HDDC2: variants seen among roughly 807,000 people sequenced by gnomAD.
HDDC2 encodes 5'-deoxynucleotidase HDDC2.
A neutral mutation model predicts 25.5 loss-of-function variants in HDDC2; 25 were observed. That is an observed-to-expected ratio of 0.98 (90% CI 0.72 to 1.37). The LOEUF is 1.37. HDDC2 is among the 40% of genes most tolerant of loss of function. The pLI is 0.00. For missense variants in HDDC2, 264 were observed against 253.1 expected (o/e 1.04, Z -0.29); for synonymous variants, 106 against 89.7 (o/e 1.18, Z -1.03).
chr6:125,301,486 A>ACACGCGCG (rs1554222395), intron 1 of HDDC2, among the ~76,000 whole-genome samples: 1 of 147,262 alleles, frequency 6.8e-6, no homozygotes, highest in East Asian at 2.0e-4. Flanking sequence ...TCGTGAGCAC[A>ACACGCGCG]CACACACACA....
chr6:125,276,286 CA>C, intron 5 of HDDC2, 43 bp from the exon 6 acceptor site: 1 of 1,417,974 alleles, frequency 7.1e-7, no homozygotes, highest in Non-Finnish European at 9.9e-7. Flanking sequence ...CCCATATTGA[CA>C]AGAGAGTATA....
At chr6:125,292,386 C>G (rs1001564783) in intron 4 of HDDC2, among the ~76,000 whole-genome samples, 11 of 152,100 alleles carry the variant, frequency 7.2e-5, no homozygotes, top group Admixed American at 2.6e-4. Context: ...TGTTCCATGC[C>G]AGGCATCTCT....
At chr6:125,298,534 T>A in intron 3 of HDDC2, 180 bp downstream of exon 3, 1 of 603,996 alleles carries the variant, frequency 1.7e-6, no homozygotes, top group South Asian at 2.1e-5. Flanking sequence ...CATCTTAATA[T>A]TCTCCAGCCC....
At chr6:125,288,100 T>C (rs895322232) in intron 4 of HDDC2, among the ~76,000 whole-genome samples, 2 of 152,182 alleles carry the variant, frequency 1.3e-5, no homozygotes, top group African/African-American at 2.4e-5. Context: ...TATTCTGAAA[T>C]AGGGTTGGTG....
intron 4 of HDDC2, among the ~76,000 whole-genome samples, chr6:125,286,107 A>C (rs1798530749): frequency 6.6e-6 from 1 of 152,244 alleles, no homozygotes; most frequent in Non-Finnish European, 1.5e-5. Context: ...AGAAACTATT[A>C]ATAACATGCA....
At chr6:125,282,357 A>T (rs1798471832) in intron 4 of HDDC2, among the ~76,000 whole-genome samples, 1 of 151,828 alleles carries the variant, frequency 6.6e-6, no homozygotes. Context: ...CAAAAAAAAA[A>T]AAAGAAAAAA....
At chr6:125,292,946 A>G (rs1278356951) in intron 3 of HDDC2, 37 bp from the exon 4 acceptor site, 1 of 1,502,048 alleles carries the variant, frequency 6.7e-7, no homozygotes, top group Non-Finnish European at 9.3e-7. Context: ...TTATATTGAC[A>G]TTTATCACAG....
At chr6:125,290,505 T>C (rs534014231) in intron 4 of HDDC2, among the ~76,000 whole-genome samples, 1 of 152,284 alleles carries the variant, frequency 6.6e-6, no homozygotes, top group Admixed American at 6.5e-5. Context: ...CTACAACCTG[T>C]AAATGTGACC....
chr6:125,296,292 T>G lies in HDDC2; in HGVS notation c.309+2422A>C, dbSNP rs544357019. On this transcript the variant is annotated intron_variant, in intron 3 of 5. Coordinates refer to ENST00000398153, the MANE Select transcript of HDDC2 (RefSeq NM_016063.3). ...CATTTTATCTTCAGCATCTGCAGAT[T>G]TGGTTATCTATGGGGGTCCTGGAAC... Among the ~76,000 whole-genome samples, 4 of 152,216 alleles carry G rather than the reference T, an allele frequency of 2.6e-5. No homozygotes were observed. The South Asian group carries it at 8.3e-4, about 32-fold the overall frequency.
chr6:125,298,642 T>C, intron 3 of HDDC2, 72 bp downstream of exon 3: 1 of 1,078,616 alleles, frequency 9.3e-7, no homozygotes, highest in South Asian at 1.3e-5. Flanking sequence ...GTAACAGGTC[T>C]CATAAACTTA....
rs182156340 is a variant in HDDC2 at position 125,277,489 on chromosome 6, T to A, written c.379-249A>T. 46 of 418,912 alleles carry A rather than the reference T, an allele frequency of 1.1e-4. 1 individual carries two copies. The Admixed American group carries it at 1.8e-3, about 17-fold the overall frequency. 25.9% of individuals were successfully genotyped at this position (418,912 alleles called of 1,614,324 possible). On this transcript the variant is annotated intron_variant, in intron 4 of 5. Transcript: ENST00000398153. ...TACCAGAAGCCATGGAAATCTTGTA[T>A]GTTCATCTTAGGTACTTTCAAGATC...
At chr6:125,286,343 A>G (rs1383991850) in intron 4 of HDDC2, among the ~76,000 whole-genome samples, 3 of 152,234 alleles carry the variant, frequency 2.0e-5, no homozygotes, top group Admixed American at 2.0e-4. Flanking sequence ...AAAAAATACA[A>G]TAACTCGGAT....
At chr6:125,299,943 A>G (rs1798770434) in intron 2 of HDDC2, among the ~76,000 whole-genome samples, 1 of 152,216 alleles carries the variant, frequency 6.6e-6, no homozygotes, top group Non-Finnish European at 1.5e-5. Context: ...AAGATCAACC[A>G]AGAACAGGTG....
chr6:125,289,946 A>T (rs1254771700), intron 4 of HDDC2, among the ~76,000 whole-genome samples: 1 of 152,252 alleles, frequency 6.6e-6, no homozygotes, highest in Non-Finnish European at 1.5e-5. Context: ...AAAATAAAAT[A>T]AAAATGTTTT....
chr6:125,285,096 T>A (rs1002395961), intron 4 of HDDC2, among the ~76,000 whole-genome samples: 2 of 136,434 alleles, frequency 1.5e-5, no homozygotes, highest in African/African-American at 5.6e-5. Flanking sequence ...TTCTCACTCA[T>A]AAGTGGGAGT....
At chr6:125,293,160 A>C in intron 3 of HDDC2, 1 of 543,156 alleles carries the variant, frequency 1.8e-6, no homozygotes, top group South Asian at 2.0e-5. Context: ...CAACAGACAT[A>C]GAAAAGGACA....
intron 1 of HDDC2, among the ~76,000 whole-genome samples, chr6:125,300,926 T>C (rs1798790870): frequency 6.6e-6 from 1 of 152,224 alleles, no homozygotes; most frequent in Non-Finnish European, 1.5e-5. Context: ...TGTATAATTA[T>C]GGAACATATG....
intron 1 of HDDC2, among the ~76,000 whole-genome samples, chr6:125,300,873 A>G (rs998668937): frequency 2.0e-5 from 3 of 150,438 alleles, no homozygotes; most frequent in Non-Finnish European, 4.4e-5. Context: ...AGACAGAGAG[A>G]GATAAGTCAC....
At chr6:125,286,004 T>C (rs908366598) in intron 4 of HDDC2, among the ~76,000 whole-genome samples, 7 of 152,194 alleles carry the variant, frequency 4.6e-5, no homozygotes, top group African/African-American at 1.7e-4. Context: ...TCCATTTTGA[T>C]ATAAATAATC....
Sources: allele counts gnomAD v4.1 joint callset (sites outside exome capture counted in the v4.1 genomes callset), GRCh38; gene constraint gnomAD v4.1.1; transcripts MANE v1.5; gene names NCBI Gene and HGNC (gene_info 2026-07-23, HGNC 2026-07-21).